Variants in CHN2 observed in about 807,000 individuals in gnomAD.
The protein encoded by CHN2 is chimerin 2, also known as beta-chimaerin.
Under a neutral mutation model 56.3 loss-of-function variants are expected in CHN2, and 35 were observed. That is an observed-to-expected ratio of 0.62 (90% CI 0.47 to 0.82). CHN2 has a LOEUF of 0.82. CHN2 is among the 40% of genes least tolerant of loss of function. The probability of loss-of-function intolerance (pLI) is 0.00; values close to 1 mark genes in which losing one functional copy is unlikely to be tolerated. For missense variants in CHN2, 491 were observed against 580.5 expected (o/e 0.85, Z 1.58); for synonymous variants, 210 against 212.8 (o/e 0.99, Z 0.12).
chr7:29,415,432 T>C (rs11975869), intron 6 of CHN2, among the ~76,000 whole-genome samples: 2,568 of 152,334 alleles, frequency 0.017, 67 homozygotes, highest in African/African-American at 0.058. Context: ...TCTTTCTTTT[T>C]GTTCTATGCT....
intron 2 of CHN2, among the ~76,000 whole-genome samples, chr7:29,173,774 C>CAA (rs764330313): frequency 2.1e-3 from 249 of 120,240 alleles, no homozygotes; most frequent in Non-Finnish European, 3.0e-3. Context: ...CTGTCTCTAC[C>CAA]AAAAAAAAAA....
At chr7:29,397,507 C>A (rs566045629) in intron 4 of CHN2, 1 of 152,292 alleles carries the variant, frequency 6.6e-6, no homozygotes, top group South Asian at 2.1e-4. Flanking sequence ...CTTGGGACTG[C>A]CTCATTTCCC....
At position 29,427,930 on chromosome 7, in the gene CHN2, T is replaced by G. The variant is rs533078135; in HGVS notation, c.576+27102T>G. On this transcript the variant is annotated intron_variant, in intron 6 of 12. Transcript: ENST00000222792. ...TCAGCCTCCCAAAGTGCTGGGATTA[T>G]AGGTTTGAACCTCCGCATCCGGCCA... 2.6e-5 allele frequency among the ~76,000 whole-genome samples: 4 copies of G among 152,268 alleles called. No individual in the cohort carries two copies. The South Asian group carries it at 8.3e-4, about 32-fold the overall frequency.
intron 3 of CHN2, among the ~76,000 whole-genome samples, chr7:29,382,003 C>G (rs1387220163): frequency 6.6e-6 from 1 of 152,008 alleles, no homozygotes; most frequent in Non-Finnish European, 1.5e-5. Context: ...GTAGTCCAAC[C>G]TGCCCTTTGC....
intron 7 of CHN2, among the ~76,000 whole-genome samples, chr7:29,492,550 C>G: frequency 6.6e-6 from 1 of 152,148 alleles, no homozygotes; most frequent in Non-Finnish European, 1.5e-5. Context: ...TTCTGCATTT[C>G]CAGTCTCTTA....
chr7:29,212,753 A>G, intron 1 of CHN2: 1 of 1,610,152 alleles, frequency 6.2e-7, no homozygotes, highest in Non-Finnish European at 8.5e-7. Context: ...GAAATCTAAG[A>G]GGTGGCAGAA....
intron 1 of CHN2, among the ~76,000 whole-genome samples, chr7:29,282,126 C>G (rs1439169491): frequency 6.6e-6 from 1 of 152,192 alleles, no homozygotes; most frequent in Non-Finnish European, 1.5e-5. Flanking sequence ...TCCATACAAG[C>G]TGTGTTCATT....
At chr7:29,467,778 T>G (rs1386585441) in intron 6 of CHN2, among the ~76,000 whole-genome samples, 4 of 152,186 alleles carry the variant, frequency 2.6e-5, no homozygotes, top group African/African-American at 7.2e-5. Context: ...AGCTTCCTCA[T>G]ATCTGAAATG....
At chr7:29,406,775 G>A (rs1381797849) in intron 6 of CHN2, among the ~76,000 whole-genome samples, 1 of 152,130 alleles carries the variant, frequency 6.6e-6, no homozygotes, top group Non-Finnish European at 1.5e-5. Flanking sequence ...TTAAGCTTTA[G>A]GCAGTTCTGA....
chr7:29,265,791 TAC>T (rs1790092182), intron 1 of CHN2, among the ~76,000 whole-genome samples: 1 of 152,240 alleles, frequency 6.6e-6, no homozygotes, highest in South Asian at 2.1e-4. Context: ...GCTACTGTAG[TAC>T]AGAGAGCATC....
At chr7:29,287,208 C>T (rs897840337) in intron 1 of CHN2, among the ~76,000 whole-genome samples, 6 of 152,100 alleles carry the variant, frequency 3.9e-5, no homozygotes, top group Admixed American at 2.0e-4. Flanking sequence ...GGCAAAAATA[C>T]GCTTGGTCTT....
intron 2 of CHN2, among the ~76,000 whole-genome samples, chr7:29,168,213 T>C (rs13225290): frequency 0.16 from 24,986 of 152,146 alleles, 2,352 homozygotes; most frequent in African/African-American, 0.25. Flanking sequence ...TCATAAAATG[T>C]CGGTTTATTT....
intron 1 of CHN2, among the ~76,000 whole-genome samples, chr7:29,262,945 G>A (rs1198726989): frequency 6.6e-6 from 1 of 152,110 alleles, no homozygotes; most frequent in Non-Finnish European, 1.5e-5. Flanking sequence ...AAAATAAATC[G>A]TGAAGATGGT....
chr7:29,493,118 C>T (rs1375568943), intron 7 of CHN2, among the ~76,000 whole-genome samples: 3 of 152,114 alleles, frequency 2.0e-5, no homozygotes, highest in Non-Finnish European at 4.4e-5. Context: ...ATCCTTTATA[C>T]TGTATTTTTA....
chr7:29,372,587 A>G (rs768108214), intron 3 of CHN2, among the ~76,000 whole-genome samples: 12 of 152,208 alleles, frequency 7.9e-5, no homozygotes, highest in Non-Finnish European at 1.3e-4. Flanking sequence ...CAGTAAATAA[A>G]TCAGTAAGTT....
chr7:29,358,819 G>C (rs913545535), intron 2 of CHN2, among the ~76,000 whole-genome samples: 1 of 152,164 alleles, frequency 6.6e-6, no homozygotes, highest in Admixed American at 6.5e-5. Flanking sequence ...GCAAGCAACA[G>C]AATACTACTC....
chr7:29,504,337 C>T (rs577750459), intron 9 of CHN2, among the ~76,000 whole-genome samples: 1 of 152,254 alleles, frequency 6.6e-6, no homozygotes, highest in East Asian at 1.9e-4. Context: ...TAAATATATA[C>T]ACCTACTGTG....
intron 6 of CHN2, among the ~76,000 whole-genome samples, chr7:29,461,698 G>A (rs1180513819): frequency 6.6e-6 from 1 of 152,180 alleles, no homozygotes; most frequent in Non-Finnish European, 1.5e-5. Context: ...TGAGAACAGA[G>A]GTTAGGTATT....
intron 2 of CHN2, among the ~76,000 whole-genome samples, chr7:29,363,779 T>C (rs1798922492): frequency 6.6e-6 from 1 of 152,078 alleles, no homozygotes; most frequent in South Asian, 2.1e-4. Flanking sequence ...TTTAAGCAGA[T>C]ACTTGAATGA....
Sources: allele counts gnomAD v4.1 joint callset (sites outside exome capture counted in the v4.1 genomes callset), GRCh38; gene constraint gnomAD v4.1.1; transcripts MANE v1.5; gene names NCBI Gene and HGNC (gene_info 2026-07-23, HGNC 2026-07-21).